Variants in OSTM1 observed in about 807,000 individuals in gnomAD.
OSTM1 encodes the protein osteoclastogenesis associated transmembrane protein 1, also known as osteopetrosis-associated transmembrane protein 1.
Under a neutral mutation model 35.4 loss-of-function variants are expected in OSTM1, and 26 were observed. The ratio of observed to expected loss-of-function variants is 0.73; its 90% CI spans 0.54 to 1.02. The LOEUF (loss-of-function observed/expected upper bound fraction) is 1.02. OSTM1 is among the 50% of genes least tolerant of loss of function. The pLI is 0.00. For missense variants in OSTM1, 366 were observed against 409.6 expected (o/e 0.89, Z 0.92); for synonymous variants, 181 against 165.0 (o/e 1.10, Z -0.75).
chr6:108,074,424 G>T lies in OSTM1; in HGVS notation c.228C>A (p.Asp76Glu). 6 of 1,563,464 alleles carry T rather than the reference G, an allele frequency of 3.8e-6. No individual in the cohort carries two copies. Among genetic ancestry groups the T allele is most frequent in the Non-Finnish European group, 5.2e-6 (6 of 1,153,990 alleles). Residue 76 changes from aspartate (D) to glutamate (E), a missense_variant, in exon 1 of 6, where the codon GAC becomes GAA. Asp to Glu is a conservative substitution (Grantham distance 45). Around this residue, in one of 3 missense-constraint regions of OSTM1, gnomAD observed 236 missense variants for 239.3 expected, o/e 0.99. Transcript: ENST00000193322. ...GGCACTCAGGATCCAGATCCGGCAG[G>T]TCCGGGGGCAGCGACAGAGGCCCCA... ...GGLGPLSLPP[D>E]LPDLDPECRE...
At chr6:108,052,014 C>A (rs573558183) in intron 3 of OSTM1, among the ~76,000 whole-genome samples, 1 of 152,256 alleles carries the variant, frequency 6.6e-6, no homozygotes, top group East Asian at 1.9e-4. Flanking sequence ...AAAGTAATTA[C>A]ACTGATGTTG....
chr6:108,073,948 G>A, intron 1 of OSTM1: 1 of 449,956 alleles, frequency 2.2e-6, no homozygotes. Flanking sequence ...AGGTGAAGAT[G>A]AGAAGAAGCC....
rs1772339717 is a variant in OSTM1, at chr6:108,064,272, T to G, written c.430A>C (p.Arg144=). 6.3e-7 allele frequency: 1 copy of G among 1,592,234 alleles called. No homozygotes were observed. The highest frequency in any genetic ancestry group is 2.2e-5 in the East Asian group (1 of 44,728). The change falls in exon 2 of 6, where the codon AGA becomes CGA. Residue 144 remains arginine (R), a synonymous_variant. Coordinates refer to ENST00000193322, the MANE Select transcript of OSTM1 (RefSeq NM_014028.4). ...GNTSESQSCA[R]SLLMADRMQI... is the part of the protein sequence containing the mutation. Reference sequence around the variant, plus strand: ...ATTCTATCTGCCATTAAGAGACTTCTGGCACAACTCTGACTCTCTGAAGTA... The same window carrying G: ...ATTCTATCTGCCATTAAGAGACTTCGGGCACAACTCTGACTCTCTGAAGTA...
rs1377783436 is a variant in OSTM1 at position 108,042,956 on chromosome 6, A to G, written c.*1829T>C. 6.6e-6 allele frequency: 1 copy of G among 152,138 alleles called. No homozygotes were observed. Among genetic ancestry groups the G allele is most frequent in the Non-Finnish European group, 1.5e-5 (1 of 68,022 alleles). 9.4% of individuals were successfully genotyped at this position (152,138 alleles called of 1,614,324 possible). A position where few individuals can be genotyped will look rare whatever the true frequency, so the allele number is the denominator to read the frequency against. ...ATATGACAAAATGAAAAACTTACAC[A>G]CTTTAGGGTAGCGCTTAATACTTAT... On this transcript the variant is annotated 3_prime_UTR_variant, in exon 6 of 6. Transcript: ENST00000193322.
rs533377446 is a variant in OSTM1 at position 108,071,455 on chromosome 6, G to C, written c.402+2795C>G. On this transcript the variant is annotated intron_variant, in intron 1 of 5. Coordinates refer to ENST00000193322, the MANE Select transcript of OSTM1 (RefSeq NM_014028.4). ...TGAGTAGCTGCGCACCACCACACCC[G>C]GCTAATTTTTTTTTTTTTTTTTTTT... is the stretch of plus-strand genomic sequence containing the variant. Among the ~76,000 whole-genome samples, 3 of 143,278 alleles carry C rather than the reference G, an allele frequency of 2.1e-5. No individual in the cohort carries two copies. The Admixed American group carries it at 2.1e-4, about 10-fold the overall frequency. The allele number at this position is 143,278 out of a possible 152,430, so 94.0% of individuals were successfully genotyped here.
chr6:108,052,691 T>C (rs1277102330), intron 3 of OSTM1, among the ~76,000 whole-genome samples: 3 of 152,086 alleles, frequency 2.0e-5, no homozygotes, highest in African/African-American at 7.2e-5. Context: ...CTTTTAATAA[T>C]GTGAAAGTTG....
At chr6:108,056,284 T>A (rs999466416) in intron 2 of OSTM1, among the ~76,000 whole-genome samples, 29 of 152,324 alleles carry the variant, frequency 1.9e-4, no homozygotes, top group African/African-American at 7.0e-4. Flanking sequence ...TTTAGATAAA[T>A]TAAGGAAGTT....
At chr6:108,072,826 T>C (rs1222034604) in intron 1 of OSTM1, among the ~76,000 whole-genome samples, 3 of 152,132 alleles carry the variant, frequency 2.0e-5, no homozygotes, top group Admixed American at 6.5e-5. Flanking sequence ...AGTGCAATCT[T>C]GGCTCACCCC....
At chr6:108,073,398 A>G (rs1470724218) in intron 1 of OSTM1, among the ~76,000 whole-genome samples, 4 of 152,122 alleles carry the variant, frequency 2.6e-5, no homozygotes, top group Non-Finnish European at 5.9e-5. Flanking sequence ...AAACTTTATA[A>G]AGTACTTAGG....
intron 2 of OSTM1, among the ~76,000 whole-genome samples, chr6:108,057,523 A>G (rs1048170027): frequency 3.3e-5 from 5 of 152,218 alleles, no homozygotes; most frequent in Non-Finnish European, 7.3e-5. Flanking sequence ...AAAGTGCATT[A>G]TCATGAGAGA....
intron 5 of OSTM1, among the ~76,000 whole-genome samples, chr6:108,047,806 C>T (rs1287381669): frequency 1.3e-5 from 2 of 152,170 alleles, no homozygotes; most frequent in Non-Finnish European, 2.9e-5. Flanking sequence ...AATAGTGACA[C>T]TGGTAGTGAC....
At chr6:108,046,168 ATTTTTTTTTTTTTTT>A (rs750495431) in intron 5 of OSTM1, among the ~76,000 whole-genome samples, 1 of 93,484 alleles carries the variant, frequency 1.1e-5, no homozygotes, top group East Asian at 3.4e-4. Flanking sequence ...CGCCCAGCTA[ATTTTTTTTTTTTTTT>A]TTTTTTTTTG....
chr6:108,063,222 G>A (rs1234695447), intron 2 of OSTM1, among the ~76,000 whole-genome samples: 1 of 152,044 alleles, frequency 6.6e-6, no homozygotes, highest in Non-Finnish European at 1.5e-5. Context: ...GTCTCACTAT[G>A]TTCCCCAGGC....
intron 5 of OSTM1, among the ~76,000 whole-genome samples, chr6:108,045,661 G>A (rs9486785): frequency 0.085 from 12,923 of 152,078 alleles, 1,030 homozygotes; most frequent in East Asian, 0.23. Flanking sequence ...AACAAAATAC[G>A]TTACCATCAA....
intron 3 of OSTM1, among the ~76,000 whole-genome samples, chr6:108,052,695 A>G (rs1772098390): frequency 2.0e-5 from 3 of 152,110 alleles, no homozygotes; most frequent in Non-Finnish European, 4.4e-5. Context: ...TAATAATGTG[A>G]AAGTTGCAGA....
intron 1 of OSTM1, among the ~76,000 whole-genome samples, chr6:108,071,848 G>A (rs1325392737): frequency 6.6e-6 from 1 of 152,100 alleles, no homozygotes; most frequent in East Asian, 1.9e-4. Context: ...TTTCACATCA[G>A]GGTGAGTTGA....
intron 2 of OSTM1, among the ~76,000 whole-genome samples, chr6:108,060,548 T>C (rs1228605470): frequency 2.0e-5 from 3 of 151,862 alleles, no homozygotes; most frequent in African/African-American, 7.3e-5. Flanking sequence ...CAAAACAGCA[T>C]CTCTATTAAA....
chr6:108,056,946 T>A (rs1238513214), intron 2 of OSTM1, among the ~76,000 whole-genome samples: 2 of 152,182 alleles, frequency 1.3e-5, no homozygotes, highest in African/African-American at 4.8e-5. Context: ...GCCATTGATA[T>A]AAAAATAGGC....
In OSTM1 at chr6:108,051,115, A is replaced by G. The variant is rs1309647887; in HGVS notation, c.699T>C (p.Ser233=). The G allele has an allele frequency of 6.2e-7, 1 of 1,613,496 alleles. No homozygotes were observed. Among genetic ancestry groups the G allele is most frequent in the South Asian group, 1.1e-5 (1 of 91,074 alleles). ...NCREAYKTLS[S]LYSEMQKMNE... ...TCATTTTTTGCATTTCACTGTACAGACTACTCAGAGTTTTGTATGCTTCAC... is the reference window on the plus strand; with the variant it reads ...TCATTTTTTGCATTTCACTGTACAGGCTACTCAGAGTTTTGTATGCTTCAC... The change falls in exon 4 of 6, where the codon AGT becomes AGC. Residue 233 remains serine (S), a synonymous_variant. Transcript: ENST00000193322.
Sources: allele counts gnomAD v4.1 joint callset (sites outside exome capture counted in the v4.1 genomes callset), GRCh38; gene constraint gnomAD v4.1.1; regional missense constraint gnomAD v4.1.1; transcripts MANE v1.5; gene names NCBI Gene and HGNC (gene_info 2026-07-23, HGNC 2026-07-21).